Variants in TRIM69 observed in about 807,000 individuals in gnomAD.
TRIM69 encodes tripartite motif containing 69, also known as E3 ubiquitin-protein ligase TRIM69.
TRIM69 carries 29 observed loss-of-function variants against 37.7 expected under a neutral mutation model. The observed-to-expected ratio is 0.77, with a 90% CI of 0.57 to 1.05. The LOEUF is 1.05. Ranked by LOEUF, TRIM69 falls within the 50% of genes least tolerant of loss-of-function variation. The probability of loss-of-function intolerance (pLI) is 0.00; values close to 1 mark genes in which losing one functional copy is unlikely to be tolerated. For synonymous variants in TRIM69, 209 were observed against 212.4 expected (o/e 0.98, Z 0.14); for missense variants, 596 against 579.9 (o/e 1.03, Z -0.28).
At chr15:44,741,579 T>C (rs191147852) in intron 1 of TRIM69, among the ~76,000 whole-genome samples, 133 of 151,748 alleles carry the variant, frequency 8.8e-4, no homozygotes, top group Non-Finnish European at 1.5e-3. Context: ...GCAAGACTAA[T>C]AAAGAAGAAA....
intron 6 of TRIM69, among the ~76,000 whole-genome samples, chr15:44,762,158 G>A (rs2087789685): frequency 2.0e-5 from 3 of 152,144 alleles, no homozygotes; most frequent in South Asian, 4.2e-4. Context: ...AGTAGAGATG[G>A]GGTTTCACCA....
intron 1 of TRIM69, among the ~76,000 whole-genome samples, chr15:44,748,321 C>G (rs2087449414): frequency 6.6e-6 from 1 of 152,116 alleles, no homozygotes; most frequent in South Asian, 2.1e-4. Context: ...TTGGGCAGAG[C>G]CTCTATGTTA....
At chr15:44,751,728 T>C (rs1431075975) in intron 1 of TRIM69, among the ~76,000 whole-genome samples, 1 of 152,150 alleles carries the variant, frequency 6.6e-6, no homozygotes, top group African/African-American at 2.4e-5. Flanking sequence ...ATCCCATAAG[T>C]TTTGACATGC....
chr15:44,750,715 CTTTTTTT>C (rs869059418), intron 1 of TRIM69, among the ~76,000 whole-genome samples: 10 of 102,838 alleles, frequency 9.7e-5, no homozygotes, highest in Admixed American at 8.4e-4. Flanking sequence ...ATTACTTTTT[CTTTTTTT>C]TTTTTTTTTT....
chr15:44,759,559 C>G (rs146120908), intron 4 of TRIM69, 81 bp from the exon 5 acceptor site: 22 of 1,451,610 alleles, frequency 1.5e-5, no homozygotes, highest in Non-Finnish European at 2.1e-5. Flanking sequence ...TGCACAAATT[C>G]TGGTGGTGGC....
At chr15:44,757,312 C>T (rs1715599364) in intron 3 of TRIM69, 1 of 151,982 alleles carries the variant, frequency 6.6e-6, no homozygotes. Flanking sequence ...AAAATAACAA[C>T]TGTGATAAGT....
At chr15:44,750,040 C>T (rs771056115) in intron 1 of TRIM69, among the ~76,000 whole-genome samples, 20 of 152,126 alleles carry the variant, frequency 1.3e-4, no homozygotes, top group Non-Finnish European at 1.9e-4. Context: ...GCATAATTGT[C>T]TATTCAAGTC....
At chr15:44,757,690 G>A (rs1397804738) in intron 3 of TRIM69, 1 of 152,200 alleles carries the variant, frequency 6.6e-6, no homozygotes, top group Non-Finnish European at 1.5e-5. Flanking sequence ...GAGTATCTGG[G>A]ACTAGTTTGC....
At position 44,736,595 on chromosome 15, in the gene TRIM69, G is replaced by A. The variant is rs1007916359; in HGVS notation, c.-110G>A. The A allele has an allele frequency of 2.4e-5, 32 of 1,339,948 alleles. No homozygotes were observed. The highest frequency in any genetic ancestry group is 3.0e-5 in the Non-Finnish European group (29 of 966,690). 83.0% of individuals were successfully genotyped at this position (1,339,948 alleles called of 1,614,324 possible). A position where few individuals can be genotyped will look rare whatever the true frequency, so the allele number is the denominator to read the frequency against. On this transcript the variant is annotated 5_prime_UTR_variant, in exon 1 of 7. Coordinates refer to ENST00000329464, the MANE Select transcript of TRIM69 (RefSeq NM_182985.5). ...TTTTCTTTCTTCCATCATGCTCTGA[G>A]CCCATTCCTTGAAAACTAAAAGGTC... is the stretch of plus-strand genomic sequence containing the variant.
rs1482449121 is a variant in TRIM69, at chr15:44,755,392, G to A, written c.483+16G>A. 2 of 1,574,982 alleles carry A rather than the reference G, an allele frequency of 1.3e-6. No homozygotes were observed. Among genetic ancestry groups the A allele is most frequent in the Admixed American group, 1.7e-5 (1 of 58,840 alleles). On this transcript the variant is annotated intron_variant, in intron 2 of 6. Coordinates refer to ENST00000329464, the MANE Select transcript of TRIM69 (RefSeq NM_182985.5). ...TTTCTTCACGGTGGGTGAGCCCTGG[G>A]CCTTGAACAATCCCTTAGAAAAACT...
chr15:44,755,477 T>G, intron 2 of TRIM69, 101 bp downstream of exon 2: 1 of 903,748 alleles, frequency 1.1e-6, no homozygotes, highest in South Asian at 1.6e-5. Context: ...ATTCAAATGA[T>G]GATTAGAAAG....
chr15:44,763,768 A>G (rs575776855), intron 6 of TRIM69, among the ~76,000 whole-genome samples: 27 of 152,314 alleles, frequency 1.8e-4, no homozygotes, highest in African/African-American at 6.0e-4. Context: ...TGCAGTTAAC[A>G]TGGTATGACA....
In TRIM69 at chr15:44,756,103, G is replaced by A. The variant is rs865881803; in HGVS notation, c.484-265G>A. 8.5e-5 allele frequency among the ~76,000 whole-genome samples: 13 copies of A among 152,052 alleles called. No individual in the cohort carries two copies. In the South Asian group the frequency reaches 1.5e-3, roughly 17 times the overall value. Reference sequence around the variant, plus strand: ...AGATGGGTCTCACTATGTTGCCCAGGCTGGTCTCAAACTCCTGGGCCCAAG... The same window carrying A: ...AGATGGGTCTCACTATGTTGCCCAGACTGGTCTCAAACTCCTGGGCCCAAG... On this transcript the variant is annotated intron_variant, in intron 2 of 6. Coordinates refer to ENST00000329464, the MANE Select transcript of TRIM69 (RefSeq NM_182985.5).
intron 1 of TRIM69, chr15:44,753,721 A>AC (rs1389196415): frequency 4.0e-5 from 6 of 149,316 alleles, no homozygotes; most frequent in Admixed American, 2.0e-4. Flanking sequence ...TTTTTCAAAA[A>AC]TTTTTTTTTT....
intron 1 of TRIM69, among the ~76,000 whole-genome samples, chr15:44,741,747 C>G (rs2087291312): frequency 6.6e-6 from 1 of 152,160 alleles, no homozygotes; most frequent in Admixed American, 6.5e-5. Flanking sequence ...GACACATACA[C>G]CCTCCCAAGA....
At position 44,758,714 on chromosome 15, in the gene TRIM69, C is replaced by T; in HGVS notation, c.673C>T (p.Leu225Phe). ...CAAAGAAAAGGACATTTTAACTGAG[C>T]TCCGGGAAGAGGGGAAAGCCTTGAA... is the stretch of plus-strand genomic sequence containing the variant. ...HSKEKDILTELREEGKALNEE... is the reference protein window; with the variant it reads ...HSKEKDILTEFREEGKALNEE... Residue 225 changes from leucine to phenylalanine, a missense_variant, in exon 4 of 7, where the codon CTC (leucine) becomes TTC (phenylalanine). By Grantham distance (22) the Leu-to-Phe change is conservative. Transcript: ENST00000329464. The T allele has an allele frequency of 4.3e-6, 7 of 1,614,120 alleles. No individual in the cohort carries two copies. Among genetic ancestry groups the T allele is most frequent in the Non-Finnish European group, 5.1e-6 (6 of 1,180,004 alleles).
At chr15:44,758,967 A>C in intron 4 of TRIM69, 113 bp downstream of exon 4, 3 of 1,317,512 alleles carry the variant, frequency 2.3e-6, no homozygotes, top group East Asian at 2.5e-5. Flanking sequence ...AACAAAACAA[A>C]ACAAAACTGT....
chr15:44,754,902 A>T lies in TRIM69; in HGVS notation c.9A>T (p.Val3=). 6.2e-7 allele frequency: 1 copy of T among 1,606,212 alleles called. No homozygotes were observed. The highest frequency in any genetic ancestry group is 8.5e-7 in the Non-Finnish European group (1 of 1,174,104). The part of the protein sequence containing the change: ME[V]STNPSSNIDP... ...ATTTTAGCTGTTCTTTTCTAAAGGTATCCACCAACCCCTCCTCCAACATCG... is the reference window on the plus strand; with the variant it reads ...ATTTTAGCTGTTCTTTTCTAAAGGTTTCCACCAACCCCTCCTCCAACATCG... The change falls in exon 2 of 7, where the codon GTA becomes GTT. Residue 3 remains valine, a splice_region_variant and synonymous_variant. Transcript: ENST00000329464.
intron 1 of TRIM69, among the ~76,000 whole-genome samples, chr15:44,746,602 T>C (rs1447195149): frequency 6.6e-6 from 1 of 152,232 alleles, no homozygotes; most frequent in Non-Finnish European, 1.5e-5. Flanking sequence ...TGGCTTTGCA[T>C]TCCCATTCCT....
Sources: allele counts gnomAD v4.1 joint callset (sites outside exome capture counted in the v4.1 genomes callset), GRCh38; gene constraint gnomAD v4.1.1; transcripts MANE v1.5; gene names NCBI Gene and HGNC (gene_info 2026-07-23, HGNC 2026-07-21).